TENM3: variants seen among roughly 807,000 people sequenced by gnomAD.
TENM3 encodes teneurin transmembrane protein 3.
Under a neutral mutation model 255.1 loss-of-function variants are expected in TENM3, and 63 were observed. That is an observed-to-expected ratio of 0.25 (90% CI 0.20 to 0.30). The LOEUF (loss-of-function observed/expected upper bound fraction) is 0.30, where lower values mean the gene tolerates loss of function less well. TENM3 is among the 10% of genes least tolerant of loss of function. The pLI, the probability that TENM3 is intolerant of heterozygous loss-of-function variation, is 1.00. For missense variants in TENM3, 2,929 were observed against 3,461.1 expected, an observed-to-expected ratio of 0.85 and a Z score of 3.86; for synonymous variants, 1,306 against 1,322.3, an observed-to-expected ratio of 0.99 and a Z score of 0.27.
chr4:182,028,744 T>C, the TENM3 span, among the ~76,000 whole-genome samples: 4 of 152,326 alleles, frequency 2.6e-5, no homozygotes, highest in Non-Finnish European at 4.4e-5. Flanking sequence ...TGCTTGTATT[T>C]GTATGTTTTC....
chr4:181,956,456 G>A, the TENM3 span, among the ~76,000 whole-genome samples: 1 of 152,150 alleles, frequency 6.6e-6, no homozygotes, highest in African/African-American at 2.4e-5. Context: ...TGTTCCATGA[G>A]GGCAGGTGTT....
chr4:182,541,510 G>A (rs1159506787), intron 3 of TENM3, among the ~76,000 whole-genome samples: 1 of 152,088 alleles, frequency 6.6e-6, no homozygotes, highest in East Asian at 1.9e-4. Context: ...TTGGTCAAGG[G>A]AAAAAAGTTA....
the TENM3 span, among the ~76,000 whole-genome samples, chr4:182,117,339 G>A: frequency 3.3e-5 from 5 of 152,098 alleles, no homozygotes; most frequent in South Asian, 2.1e-4. Flanking sequence ...ACAAAGGCAC[G>A]GATGATGTGT....
At chr4:182,459,679 C>T (rs1166213411) in intron 3 of TENM3, among the ~76,000 whole-genome samples, 1 of 151,824 alleles carries the variant, frequency 6.6e-6, no homozygotes, top group African/African-American at 2.4e-5. Flanking sequence ...ATTCAAAGTA[C>T]AAAGTCTTTC....
Position 182,778,550 on chromosome 4 carries a change from G to C in TENM3, c.5304+3397G>C, listed in dbSNP as rs191788484. 3.2e-3 allele frequency among the ~76,000 whole-genome samples: 490 copies of C among 152,252 alleles called. 3 individuals are homozygous for C. The highest frequency in any genetic ancestry group is 5.6e-3 in the Non-Finnish European group (379 of 68,012). On this transcript the variant is annotated intron_variant, in intron 24 of 27. Coordinates refer to ENST00000511685, the MANE Select transcript of TENM3 (RefSeq NM_001080477.4). ...CGCCACCCAGTGTACTGGGGAATGA[G>C]CCTGCCCTTCCTTACTTCCCCCCAT...
At chr4:182,262,853 A>G (rs972986762) in intron 1 of TENM3, among the ~76,000 whole-genome samples, 80 of 151,238 alleles carry the variant, frequency 5.3e-4, no homozygotes, top group Admixed American at 1.4e-3. Context: ...AGCTGGGACT[A>G]CAGGCACCCA....
chr4:182,078,538 C>A, the TENM3 span, among the ~76,000 whole-genome samples: 4 of 151,948 alleles, frequency 2.6e-5, no homozygotes, highest in Non-Finnish European at 5.9e-5. Flanking sequence ...AAAACAAAAA[C>A]AAAAAAACAA....
intron 1 of TENM3, among the ~76,000 whole-genome samples, chr4:182,218,647 G>A (rs1002809599): frequency 7.9e-5 from 12 of 152,126 alleles, no homozygotes; most frequent in Non-Finnish European, 1.5e-4. Context: ...TGCAATTTTG[G>A]TGGGTCAAAA....
At chr4:182,279,690 T>TTCTC (rs1329514060) in intron 1 of TENM3, among the ~76,000 whole-genome samples, 2 of 152,228 alleles carry the variant, frequency 1.3e-5, no homozygotes, top group Non-Finnish European at 2.9e-5. Context: ...TTTTAGATTC[T>TTCTC]TCTCTTGTTC....
the TENM3 span, among the ~76,000 whole-genome samples, chr4:181,612,490 A>ATGTGTGTGTGTG: frequency 0.038 from 5,571 of 148,402 alleles, 145 homozygotes; most frequent in East Asian, 0.13. Flanking sequence ...TTTGGTTAAG[A>ATGTGTGTGTGTG]TGTGTGTGTG....
upstream of TENM3, chr4:182,143,844 C>G (rs141791355): frequency 6.6e-6 from 1 of 152,518 alleles, no homozygotes. The surrounding 1 kb of genome is among the most constrained non-coding windows in gnomAD (Gnocchi z 4.3). Flanking sequence ...ACGGATGACC[C>G]CTAAATCACG....
chr4:182,017,940 A>G, the TENM3 span, among the ~76,000 whole-genome samples: 1 of 152,228 alleles, frequency 6.6e-6, no homozygotes, highest in Non-Finnish European at 1.5e-5. Context: ...AAAGCTACTG[A>G]GCAAGGCACG....
At chr4:181,881,222 G>A in the TENM3 span, among the ~76,000 whole-genome samples, 2 of 152,042 alleles carry the variant, frequency 1.3e-5, no homozygotes, top group Admixed American at 1.3e-4. Flanking sequence ...GATACCCTTC[G>A]GGAATGGAGA....
chr4:182,688,314 A>G lies in TENM3; in HGVS notation c.2184A>G (p.Glu728=), dbSNP rs1445197440. ...GGACCTGCAAGGATGGCAAGTGTGAATGCAGCCAGGGCTGGAATGGAGAGC... is the reference window on the plus strand; with the variant it reads ...GGACCTGCAAGGATGGCAAGTGTGAGTGCAGCCAGGGCTGGAATGGAGAGC... ...EHGTCKDGKC[E]CSQGWNGEHC... Residue 728 remains glutamate (E), a synonymous_variant, in exon 12 of 28, where the codon GAA becomes GAG. Coordinates refer to ENST00000511685, the MANE Select transcript of TENM3 (RefSeq NM_001080477.4). 6 of 1,613,726 alleles carry G rather than the reference A, an allele frequency of 3.7e-6. No individual in the cohort carries two copies. The East Asian group carries it at 1.3e-4, about 36-fold the overall frequency.
the TENM3 span, among the ~76,000 whole-genome samples, chr4:181,543,666 G>A: frequency 0.064 from 9,806 of 152,216 alleles, 346 homozygotes; most frequent in South Asian, 0.15. Context: ...ACACTTAGGT[G>A]AGTATCAATT....
chr4:182,688,869 A>T (rs2309699), intron 12 of TENM3, among the ~76,000 whole-genome samples: 26,956 of 152,148 alleles, frequency 0.18, 2,611 homozygotes, highest in Non-Finnish European at 0.23. Context: ...AGTAGAATCA[A>T]ATGTACAAAT....
At chr4:182,211,101 A>T (rs1755007923) in intron 1 of TENM3, among the ~76,000 whole-genome samples, 1 of 152,092 alleles carries the variant, frequency 6.6e-6, no homozygotes, top group Non-Finnish European at 1.5e-5. Context: ...TGTCACCAAA[A>T]CGGGGGACAA....
the TENM3 span, among the ~76,000 whole-genome samples, chr4:181,670,553 A>C: frequency 2.0e-5 from 3 of 152,220 alleles, no homozygotes; most frequent in Non-Finnish European, 4.4e-5. Context: ...TCTTTTGAAA[A>C]TACTAGCAAT....
the TENM3 span, among the ~76,000 whole-genome samples, chr4:181,728,824 G>A: frequency 1.3e-5 from 2 of 152,130 alleles, no homozygotes; most frequent in African/African-American, 4.8e-5. Flanking sequence ...CCCTTTTCAA[G>A]ATGGAGTCGC....
Sources: allele counts gnomAD v4.1 joint callset (sites outside exome capture counted in the v4.1 genomes callset), GRCh38; gene constraint gnomAD v4.1.1; non-coding constraint Gnocchi (gnomAD v3.1); transcripts MANE v1.5; gene names NCBI Gene and HGNC (gene_info 2026-07-23, HGNC 2026-07-21).